Variants in AKAP1 observed in about 807,000 individuals in gnomAD.
The protein encoded by AKAP1 is A-kinase anchor protein 1, mitochondrial.
In AKAP1, 32 loss-of-function variants were observed where a neutral mutation model predicts 79.8. The ratio of observed to expected loss-of-function variants is 0.40; its 90% CI spans 0.30 to 0.54. The LOEUF (loss-of-function observed/expected upper bound fraction) is 0.54. Ranked by LOEUF, AKAP1 falls within the 20% of genes least tolerant of loss-of-function variation. AKAP1 has a pLI of 0.47. For synonymous variants in AKAP1, 416 were observed against 466.7 expected (o/e 0.89, Z 1.40); for missense variants, 961 against 1,138.9 (o/e 0.84, Z 2.25).
chr17:57,115,236 C>T (rs1915507783), intron 6 of AKAP1, among the ~76,000 whole-genome samples: 1 of 152,204 alleles, frequency 6.6e-6, no homozygotes, highest in Admixed American at 6.5e-5. Context: ...ACCCATTCCT[C>T]ACCAGGGGAT....
intron 1 of AKAP1, among the ~76,000 whole-genome samples, chr17:57,097,501 T>C (rs1914194781): frequency 6.6e-6 from 1 of 152,246 alleles, no homozygotes. Flanking sequence ...TCCGAGTTTG[T>C]GATTTTCCTC....
intron 1 of AKAP1, chr17:57,095,675 A>G (rs904754555): frequency 2.0e-5 from 3 of 152,148 alleles, no homozygotes; most frequent in African/African-American, 7.2e-5. Context: ...TAGGAAGATC[A>G]GGGTCTTACC....
At chr17:57,116,329 G>A (rs1915584919) in intron 7 of AKAP1, 68 bp downstream of exon 7, 1 of 1,591,076 alleles carries the variant, frequency 6.3e-7, no homozygotes, top group Admixed American at 1.7e-5. Context: ...CTGCGTGGCT[G>A]GCTCAGTTGT....
At chr17:57,095,343 T>G (rs987545075) in intron 1 of AKAP1, 2 of 152,050 alleles carry the variant, frequency 1.3e-5, no homozygotes, top group Admixed American at 6.6e-5. Flanking sequence ...AAAAAAATTT[T>G]TTTTTTGTAG....
intron 8 of AKAP1, 36 bp from the exon 9 acceptor site, chr17:57,118,345 A>C (rs1915713954): frequency 1.2e-6 from 2 of 1,607,194 alleles, no homozygotes; most frequent in South Asian, 1.1e-5. Context: ...TGCCTCAGTG[A>C]GAGCCTAAAT....
At position 57,111,824 on chromosome 17, in the gene AKAP1, G is replaced by A; in HGVS notation, c.1875G>A (p.Lys625=). 2 of 1,614,074 alleles carry A rather than the reference G, an allele frequency of 1.2e-6. No individual in the cohort carries two copies. The highest frequency in any genetic ancestry group is 1.7e-6 in the Non-Finnish European group (2 of 1,180,014). ...PKHLVGRLIG[K]QGRYVSFLKQ... is the part of the protein sequence containing the mutation. ...ACTTAGTCGGTCGGCTAATTGGCAA[G>A]CAGGGGCGCTATGTGAGTTTTCTGA... The change falls in exon 4 of 11, where the codon AAG becomes AAA. Residue 625 remains lysine (K), a synonymous_variant. Transcript: ENST00000337714.
chr17:57,103,027 C>T (rs1426304745), intron 1 of AKAP1, among the ~76,000 whole-genome samples: 2 of 151,796 alleles, frequency 1.3e-5, no homozygotes, highest in South Asian at 2.1e-4. Flanking sequence ...TGTAATGAGC[C>T]GAGATCACAC....
In AKAP1 at chr17:57,105,829, G is replaced by A. The variant is rs747693616; in HGVS notation, c.365G>A (p.Gly122Glu). 4.3e-6 allele frequency: 7 copies of A among 1,614,106 alleles called. No individual in the cohort carries two copies. The African/African-American group carries it at 6.7e-5, about 15-fold the overall frequency. Reference sequence around the variant, plus strand: ...ACCACAGACATGAGATTGCGACCAGGAACACGCAGAGATGACAGTACAAAG... The same window carrying A: ...ACCACAGACATGAGATTGCGACCAGAAACACGCAGAGATGACAGTACAAAG... ...PNTTDMRLRP[G>E]TRRDDSTKLE... The change falls in exon 2 of 11, where the codon GGA becomes GAA. Residue 122 changes from glycine (G) to glutamate (E), a missense_variant. By Grantham distance (98) the Gly-to-Glu change is moderately conservative. Transcript: ENST00000337714.
At chr17:57,116,979 G>T (rs766935138) in intron 8 of AKAP1, 52 bp downstream of exon 8, 1 of 1,549,226 alleles carries the variant, frequency 6.5e-7, no homozygotes. Context: ...GTTGTTGAGA[G>T]TAGGTCTTTC....
chr17:57,095,454 C>A (rs994140759), intron 1 of AKAP1: 2 of 147,506 alleles, frequency 1.4e-5, no homozygotes, highest in East Asian at 2.0e-4. Flanking sequence ...ACCGTGGTGG[C>A]CTGTTTGGGC....
Position 57,111,802 on chromosome 17 carries a change from TAGTC to T in AKAP1, c.1854_1857del (p.Arg621Ter), listed in dbSNP as rs1164348625. ...CTCTTTTTGTCTTTCTGGAAGCACT[TAGTC>T]GGTCGGCTAATTGGCAAGCAGGGGC... On this transcript the variant is annotated frameshift_variant, in exon 4 of 11. Transcript: ENST00000337714. LOFTEE classifies it high-confidence loss of function. 6.2e-7 allele frequency: 1 copy of T among 1,614,128 alleles called. No individual in the cohort carries two copies. Among genetic ancestry groups the T allele is most frequent in the Admixed American group, 1.7e-5 (1 of 60,014 alleles).
Position 57,086,197 on chromosome 17 carries a change from T to C in AKAP1, c.-25+799T>C, listed in dbSNP as rs1420558724. 1 of 322,118 alleles carries C rather than the reference T, an allele frequency of 3.1e-6. No individual in the cohort carries two copies. The highest frequency in any genetic ancestry group is 1.1e-4 in the East Asian group (1 of 8,698). 20.0% of individuals were successfully genotyped at this position (322,118 alleles called of 1,614,324 possible). On this transcript the variant is annotated intron_variant, in intron 1 of 10. Coordinates refer to ENST00000337714, the MANE Select transcript of AKAP1 (RefSeq NM_003488.4). This position sits in a 1 kb window ranked among gnomAD's most constrained non-coding sequence, Gnocchi z 5.1. ...ACCTCACGCCCGGGGGCCCCGACGG[T>C]CACGTGTCCGGCCCCGCCTGCGGCC... is the stretch of plus-strand genomic sequence containing the variant.
intron 1 of AKAP1, among the ~76,000 whole-genome samples, chr17:57,088,374 G>T (rs1052272882): frequency 6.6e-6 from 1 of 152,174 alleles, no homozygotes; most frequent in Admixed American, 6.5e-5. Flanking sequence ...AACAGGTAGT[G>T]GGGGAGCTGG....
chr17:57,104,641 T>C (rs112717410), intron 1 of AKAP1, among the ~76,000 whole-genome samples: 1 of 152,210 alleles, frequency 6.6e-6, no homozygotes, highest in African/African-American at 2.4e-5. Context: ...TGTTCACCCT[T>C]GTGATAGAGT....
chr17:57,116,839 G>A (rs1567917242), intron 7 of AKAP1, 21 bp from the exon 8 acceptor site: 1 of 1,612,882 alleles, frequency 6.2e-7, no homozygotes, highest in Non-Finnish European at 8.5e-7. Flanking sequence ...CATTAAACTT[G>A]TTCCTTTCTT....
Position 57,086,077 on chromosome 17 carries a change from C to T in AKAP1, c.-25+679C>T, listed in dbSNP as rs565811507. ...TCGAACCGAATTGGGGTCTGGAGGTCGGAGGCTCAGGGGCGTCTCGGGGGG... is the reference window on the plus strand; with the variant it reads ...TCGAACCGAATTGGGGTCTGGAGGTTGGAGGCTCAGGGGCGTCTCGGGGGG... On this transcript the variant is annotated intron_variant, in intron 1 of 10. Coordinates refer to ENST00000337714, the MANE Select transcript of AKAP1 (RefSeq NM_003488.4). The surrounding 1 kb of genome is among the most constrained non-coding windows in gnomAD (Gnocchi z 5.1). 8.6e-6 allele frequency: 2 copies of T among 233,374 alleles called. No individual in the cohort carries two copies. The highest frequency in any genetic ancestry group is 4.0e-5 in the South Asian group (1 of 25,088). 14.5% of individuals were successfully genotyped at this position (233,374 alleles called of 1,614,324 possible). A position where few individuals can be genotyped will look rare whatever the true frequency, so the allele number is the denominator to read the frequency against.
Position 57,106,668 on chromosome 17 carries a change from A to G in AKAP1, c.1204A>G (p.Thr402Ala). ...VHQKTVLGPD[T>A]AEPATAEAAV... ...CCAGAAAACTGTCTTGGGCCCAGAC[A>G]CTGCGGAGCCTGCCACAGCAGAGGC... Residue 402 changes from threonine to alanine, a missense_variant, in exon 2 of 11, where the codon ACT becomes GCT. By Grantham distance (58) the Thr-to-Ala change is moderately conservative. This residue lies in a region of AKAP1 where 629 missense variants were observed against 781.1 expected (regional missense o/e 0.81). Transcript: ENST00000337714. 3 of 1,614,054 alleles carry G rather than the reference A, an allele frequency of 1.9e-6. No homozygotes were observed. The highest frequency in any genetic ancestry group is 2.5e-6 in the Non-Finnish European group (3 of 1,180,024).
chr17:57,112,721 T>TC, intron 5 of AKAP1, 103 bp downstream of exon 5: 1 of 1,455,388 alleles, frequency 6.9e-7, no homozygotes, highest in Non-Finnish European at 9.2e-7. Context: ...CAAGTGCACA[T>TC]GAGTGCCTGC....
chr17:57,100,616 TTAAA>T (rs947329772), intron 1 of AKAP1, among the ~76,000 whole-genome samples: 60 of 152,224 alleles, frequency 3.9e-4, no homozygotes, highest in African/African-American at 1.4e-3. Flanking sequence ...AGACTCTGTC[TTAAA>T]TAAATAAATA....
Sources: allele counts gnomAD v4.1 joint callset (sites outside exome capture counted in the v4.1 genomes callset), GRCh38; gene constraint gnomAD v4.1.1; regional missense constraint gnomAD v4.1.1; non-coding constraint Gnocchi (gnomAD v3.1); transcripts MANE v1.5; gene names NCBI Gene and HGNC (gene_info 2026-07-23, HGNC 2026-07-21).